The following TOP6BL variants were observed in gnomAD, a reference collection of about 807,000 sequenced individuals.
The protein encoded by TOP6BL is type 2 DNA topoisomerase 6 subunit B-like.
chr11:66,827,200 G>A, the TOP6BL span, among the ~76,000 whole-genome samples: 98 of 151,036 alleles, frequency 6.5e-4, no homozygotes, highest in African/African-American at 2.3e-3. Context: ...ACAGGCATGC[G>A]CCACCACGCC....
At chr11:66,772,615 C>G in the TOP6BL span, among the ~76,000 whole-genome samples, 22 of 152,302 alleles carry the variant, frequency 1.4e-4, no homozygotes, top group East Asian at 4.2e-3. Context: ...CTAAAAAATA[C>G]AAAAATTAGC....
At chr11:66,788,747 T>G in the TOP6BL span, among the ~76,000 whole-genome samples, 1 of 150,552 alleles carries the variant, frequency 6.6e-6, no homozygotes. Flanking sequence ...TTATTGAAAA[T>G]TTTTTTGGTA....
the TOP6BL span, among the ~76,000 whole-genome samples, chr11:66,802,014 T>G: frequency 2.6e-5 from 4 of 152,224 alleles, no homozygotes; most frequent in East Asian, 7.7e-4. Flanking sequence ...TATTTTTTCT[T>G]TTTTTGAGAC....
At chr11:66,821,819 GCATATA>G in the TOP6BL span, 1 of 1,589,524 alleles carries the variant, frequency 6.3e-7, no homozygotes. Flanking sequence ...AAGATAGCAA[GCATATA>G]TGGCAGGCAG....
At chr11:66,839,530 T>C in the TOP6BL span, among the ~76,000 whole-genome samples, 1 of 152,214 alleles carries the variant, frequency 6.6e-6, no homozygotes. Flanking sequence ...GGTAAATCCC[T>C]CTTTCTAGGG....
chr11:66,779,925 C>A, the TOP6BL span, among the ~76,000 whole-genome samples: 1 of 149,578 alleles, frequency 6.7e-6, no homozygotes, highest in Admixed American at 6.8e-5. Flanking sequence ...AAACCAAACA[C>A]CGCATGTTCT....
the TOP6BL span, among the ~76,000 whole-genome samples, chr11:66,782,156 G>T: frequency 6.6e-6 from 1 of 152,016 alleles, no homozygotes; most frequent in African/African-American, 2.4e-5. Flanking sequence ...GACTTTTTTG[G>T]GGTGGGTCTA....
chr11:66,823,017 C>T, the TOP6BL span, among the ~76,000 whole-genome samples: 3 of 150,304 alleles, frequency 2.0e-5, no homozygotes, highest in African/African-American at 7.4e-5. Context: ...AAAAAATGCC[C>T]AGGGCAGTGG....
chr11:66,834,688 A>G, the TOP6BL span, among the ~76,000 whole-genome samples: 1 of 152,174 alleles, frequency 6.6e-6, no homozygotes, highest in Admixed American at 6.5e-5. Flanking sequence ...TTATTTTTTT[A>G]GAAACAGGTT....
chr11:66,843,100 C>T, the TOP6BL span: 4 of 1,593,840 alleles, frequency 2.5e-6, no homozygotes, highest in Admixed American at 5.2e-5. Flanking sequence ...CAGGGAAGGG[C>T]TCAGCAGGAG....
chr11:66,833,791 T>C, the TOP6BL span, among the ~76,000 whole-genome samples: 1 of 151,810 alleles, frequency 6.6e-6, no homozygotes, highest in Non-Finnish European at 1.5e-5. Flanking sequence ...CTACTAAAAA[T>C]AAAAAAATTA....
At chr11:66,821,634 T>A in the TOP6BL span, 1 of 1,596,160 alleles carries the variant, frequency 6.3e-7, no homozygotes, top group Non-Finnish European at 8.5e-7. Context: ...ACCTTCTCCC[T>A]CCCCTTAGGA....
At chr11:66,840,083 G>C in the TOP6BL span, among the ~76,000 whole-genome samples, 1 of 152,164 alleles carries the variant, frequency 6.6e-6, no homozygotes, top group Non-Finnish European at 1.5e-5. Context: ...GGCTTGGGCT[G>C]TTCTGTCCTA....
At chr11:66,832,010 A>C in the TOP6BL span, among the ~76,000 whole-genome samples, 21 of 151,112 alleles carry the variant, frequency 1.4e-4, no homozygotes, top group Admixed American at 4.0e-4. Flanking sequence ...AAAAAAAAAA[A>C]AAAAAACAAA....
At chr11:66,843,320 A>G in the TOP6BL span, 1 of 1,526,514 alleles carries the variant, frequency 6.6e-7, no homozygotes, top group Non-Finnish European at 8.8e-7. Context: ...CCGCGCGCTC[A>G]CCAAGTCCTC....
the TOP6BL span, among the ~76,000 whole-genome samples, chr11:66,760,228 T>TTGCTTGATCCAG: frequency 9.9e-5 from 15 of 150,862 alleles, no homozygotes; most frequent in Middle Eastern, 3.4e-3. Context: ...GGCAGGCAGA[T>TTGCTTGATCCAG]TACCTAGGTC....
chr11:66,793,528 C>T, the TOP6BL span, among the ~76,000 whole-genome samples: 1 of 149,434 alleles, frequency 6.7e-6, no homozygotes, highest in Non-Finnish European at 1.5e-5. Context: ...TCACTGCAAC[C>T]TCCGCCTTCC....
chr11:66,783,402 G>C, the TOP6BL span, among the ~76,000 whole-genome samples: 2 of 152,288 alleles, frequency 1.3e-5, no homozygotes, highest in South Asian at 4.1e-4. Context: ...TAGGTAGATA[G>C]ATAAGTAAGT....
At chr11:66,765,241 C>A in the TOP6BL span, among the ~76,000 whole-genome samples, 17 of 152,194 alleles carry the variant, frequency 1.1e-4, no homozygotes, top group Admixed American at 1.1e-3. Context: ...CATGCCAATA[C>A]AAACTCTAGA....
Sources: gnomAD v4.1 joint callset for allele counts (sites outside exome capture counted in the v4.1 genomes callset) on GRCh38, gnomAD v4.1.1 for gene constraint, MANE v1.5 for transcripts, NCBI Gene and HGNC (gene_info 2026-07-23, HGNC 2026-07-21) for gene names.